Variants in HES6 observed in about 807,000 individuals in gnomAD.
HES6 encodes the protein hes family bHLH transcription factor 6, also known as transcription cofactor HES-6.
A neutral mutation model predicts 16.4 loss-of-function variants in HES6; 24 were observed. The observed-to-expected ratio is 1.46, with a 90% CI of 1.06 to 2.06. HES6 has a LOEUF of 2.06. HES6 is among the 30% of genes most tolerant of loss of function. The pLI is 0.00. For synonymous variants in HES6, 159 were observed against 144.3 expected (o/e 1.10, Z -0.73); for missense variants, 355 against 317.6 (o/e 1.12, Z -0.90).
At chr2:238,239,594 C>T (rs1372121884) in intron 2 of HES6, 26 bp from the exon 3 acceptor site, 41 of 1,191,498 alleles carry the variant, frequency 3.4e-5, no homozygotes, top group Non-Finnish European at 4.0e-5. Context: ...GGGCGGTGAG[C>T]CGGCAGCGCG....
At position 238,239,805 on chromosome 2, in the gene HES6, C is replaced by A; in HGVS notation, c.81+20G>T. 7.1e-7 allele frequency: 1 copy of A among 1,405,728 alleles called. No individual in the cohort carries two copies. The allele number at this position is 1,405,728 out of a possible 1,614,324, so 87.1% of individuals were successfully genotyped here. A position where few individuals can be genotyped will look rare whatever the true frequency, so the allele number is the denominator to read the frequency against. On this transcript the variant is annotated intron_variant, in intron 1 of 3. Coordinates refer to ENST00000272937, the MANE Select transcript of HES6 (RefSeq NM_018645.6). ...GCACGGCCTCCCGCCCGCTTGCTCG[C>A]CCATGGCCCCGGCCCGCACCTTGCG...
chr2:238,239,355 G>T, intron 3 of HES6, 104 bp from the exon 4 acceptor site: 1 of 1,350,010 alleles, frequency 7.4e-7, no homozygotes, highest in Non-Finnish European at 9.7e-7. Flanking sequence ...CCCAGGAGAC[G>T]CGGGGGCGCA....
intron 3 of HES6, 88 bp downstream of exon 3, chr2:238,239,399 G>A: frequency 1.6e-6 from 2 of 1,286,700 alleles, no homozygotes; most frequent in East Asian, 6.0e-5. Context: ...CCGCCGACAG[G>A]ACAGGGGCGC....
Position 238,239,119 on chromosome 2 carries a change from T to C in HES6, c.383A>G (p.His128Arg). 1.2e-6 allele frequency: 2 copies of C among 1,612,626 alleles called. No individual in the cohort carries two copies. Among genetic ancestry groups the C allele is most frequent in the South Asian group, 1.1e-5 (1 of 91,090 alleles). The change falls in exon 4 of 4, where the codon CAT becomes CGT. Residue 128 changes from histidine (H) to arginine (R), a missense_variant. His to Arg is a conservative substitution (Grantham distance 29). Coordinates refer to ENST00000272937, the MANE Select transcript of HES6 (RefSeq NM_018645.6). ...ACGCAGCGGCATGGACTCGAGCAGA[T>C]GGTTCAGGAGCTCGGCAGCGACGGT... ...DATVAAELLN[H>R]LLESMPLREG...
Position 238,238,711 on chromosome 2 carries a change from G to T in HES6, c.*116C>A. 4 of 1,015,642 alleles carry T rather than the reference G, an allele frequency of 3.9e-6. No individual in the cohort carries two copies. The highest frequency in any genetic ancestry group is 4.3e-6 in the Non-Finnish European group (3 of 697,608). The allele number at this position is 1,015,642 out of a possible 1,614,324, so 62.9% of individuals were successfully genotyped here. A position where few individuals can be genotyped will look rare whatever the true frequency, so the allele number is the denominator to read the frequency against. On this transcript the variant is annotated 3_prime_UTR_variant, in exon 4 of 4. Coordinates refer to ENST00000272937, the MANE Select transcript of HES6 (RefSeq NM_018645.6). ...CCTGCAAGCCATCCATCAGAGGAGG[G>T]AGGGAAGACCTGGGAGACTTCCAGG...
chr2:238,239,268 G>T lies in HES6; in HGVS notation c.251-17C>A. On this transcript the variant is annotated splice_polypyrimidine_tract_variant and intron_variant, in intron 3 of 3. Transcript: ENST00000272937. ...GCTCGCGCTCTGGGCCCGAGGGTGG[G>T]AGGGAGAGAGCCGCGTCCCGCGCGG... 1 of 1,595,420 alleles carries T rather than the reference G, an allele frequency of 6.3e-7. No individual in the cohort carries two copies. The highest frequency in any genetic ancestry group is 8.5e-7 in the Non-Finnish European group (1 of 1,176,934).
In HES6 at chr2:238,239,974, C is replaced by A; in HGVS notation, c.-69G>T. ...ACGGGGAGCGGCGGGGACCGGAGTG[C>A]CGGCGCCCTCCGCTGCCCCGCGGCC... On this transcript the variant is annotated 5_prime_UTR_variant, in exon 1 of 4. Coordinates refer to ENST00000272937, the MANE Select transcript of HES6 (RefSeq NM_018645.6). The A allele has an allele frequency of 1.0e-6, 1 of 1,002,848 alleles. No individual in the cohort carries two copies. The highest frequency in any genetic ancestry group is 4.9e-5 in the South Asian group (1 of 20,450). 62.1% of individuals were successfully genotyped at this position (1,002,848 alleles called of 1,614,324 possible).
chr2:238,238,676 C>G lies in HES6; in HGVS notation c.*151G>C. 1.3e-6 allele frequency: 1 copy of G among 769,878 alleles called. No homozygotes were observed. The highest frequency in any genetic ancestry group is 2.1e-6 in the Non-Finnish European group (1 of 484,598). 47.7% of individuals were successfully genotyped at this position (769,878 alleles called of 1,614,324 possible). A position where few individuals can be genotyped will look rare whatever the true frequency, so the allele number is the denominator to read the frequency against. On this transcript the variant is annotated 3_prime_UTR_variant, in exon 4 of 4. Transcript: ENST00000272937. ...GCTGGGGCCTGACTGGGCTGGTTAC[C>G]AGGGGCTGCCCTGCAAGCCATCCAT...
chr2:238,239,272 G>C, intron 3 of HES6, 21 bp from the exon 4 acceptor site: 3 of 1,594,506 alleles, frequency 1.9e-6, no homozygotes, highest in East Asian at 2.2e-5. Flanking sequence ...GGGTGGGAGG[G>C]AGAGAGCCGC....
Position 238,238,887 on chromosome 2 carries a change from G to C in HES6, c.615C>G (p.Pro205=). 4.4e-6 allele frequency: 7 copies of C among 1,581,074 alleles called. No homozygotes were observed. Among genetic ancestry groups the C allele is most frequent in the Non-Finnish European group, 6.0e-6 (7 of 1,166,592 alleles). The part of the protein sequence containing the change: ...QAPAEGPDLV[P]AALGSLTTAQ... The stretch of plus-strand genomic sequence containing the variant: ...CTGTGGTCAGGCTGCCCAGGGCTGC[G>C]GGCACCAAGTCGGGCCCCTCAGCAG... Residue 205 remains proline, a synonymous_variant, in exon 4 of 4, where the codon CCC becomes CCG. Transcript: ENST00000272937.
rs1258144690 is a variant in HES6 at position 238,239,544 on chromosome 2, C to T, written c.193G>A (p.Glu65Lys). The change falls in exon 3 of 4, where the codon GAA (glutamate) becomes AAA (lysine). Residue 65 changes from glutamate (E) to lysine (K), a missense_variant. By Grantham distance (56) the Glu-to-Lys change is moderately conservative (BLOSUM62 1). Transcript: ENST00000272937. ...CGCCGCACCGTCAGCTCCAGCACTTCGGCGTTCTCCAGCTTGGCCTGCACC... is the reference window on the plus strand; with the variant it reads ...CGCCGCACCGTCAGCTCCAGCACTTTGGCGTTCTCCAGCTTGGCCTGCACC... ...AEVQAKLENA[E>K]VLELTVRRVQ... The T allele has an allele frequency of 1.5e-6, 2 of 1,314,710 alleles. No homozygotes were observed. Among genetic ancestry groups the T allele is most frequent in the Admixed American group, 3.1e-5 (1 of 32,100 alleles). 81.4% of individuals were successfully genotyped at this position (1,314,710 alleles called of 1,614,324 possible).
intron 3 of HES6, 54 bp from the exon 4 acceptor site, chr2:238,239,305 T>C (rs1574831238): frequency 1.3e-6 from 2 of 1,552,510 alleles, no homozygotes; most frequent in Non-Finnish European, 8.7e-7. Flanking sequence ...GAGCGGCGAC[T>C]GCGTGGCCCA....
At position 238,239,686 on chromosome 2, in the gene HES6, A is replaced by C. The variant is rs1428430542; in HGVS notation, c.143T>G (p.Leu48Arg). The change falls in exon 2 of 4, where the codon CTG becomes CGG. Residue 48 changes from leucine (L) to arginine (R), a missense_variant. Physicochemically the swap from Leu to Arg is moderately radical, Grantham distance 102. Transcript: ENST00000272937. ...CTCGGCGCCCGCCAGCAGCAGCCGC[A>C]GCTCCTGCAGGCTCTCGTTGATCCG... ...RARINESLQE[L>R]RLLLAGAEVQ... 5.3e-6 allele frequency: 6 copies of C among 1,125,984 alleles called. No homozygotes were observed. The highest frequency in any genetic ancestry group is 6.5e-6 in the Non-Finnish European group (6 of 916,610). 69.7% of individuals were successfully genotyped at this position (1,125,984 alleles called of 1,614,324 possible).
rs754788696 is a variant in HES6, at chr2:238,239,690, C to T, written c.139G>A (p.Glu47Lys). 3.3e-5 allele frequency: 42 copies of T among 1,280,544 alleles called. No individual in the cohort carries two copies. The highest frequency in any genetic ancestry group is 3.5e-5 in the Non-Finnish European group (35 of 1,007,326). The allele number at this position is 1,280,544 out of a possible 1,614,324, so 79.3% of individuals were successfully genotyped here. The change falls in exon 2 of 4, where the codon GAG (glutamate) becomes AAG (lysine). Residue 47 changes from glutamate (E) to lysine (K), a missense_variant. Physicochemically the swap from Glu to Lys is moderately conservative, Grantham distance 56. Coordinates refer to ENST00000272937, the MANE Select transcript of HES6 (RefSeq NM_018645.6). ...GCGCCCGCCAGCAGCAGCCGCAGCT[C>T]CTGCAGGCTCTCGTTGATCCGCGCG... ...RRARINESLQELRLLLAGAEV... is the reference protein window; with the variant it reads ...RRARINESLQKLRLLLAGAEV...
chr2:238,239,611 G>GGGGGGGGGGGCC, intron 2 of HES6, 43 bp from the exon 3 acceptor site: 1 of 1,135,688 alleles, frequency 8.8e-7, no homozygotes, highest in Non-Finnish European at 1.1e-6. Context: ...CGCGCTCCCG[G>GGGGGGGGGGGCC]ACCCGCCCGC....
rs929329756 is a variant in HES6, at chr2:238,240,001, C to A, written c.-96G>T. The A allele has an allele frequency of 1.4e-6, 1 of 723,172 alleles. No homozygotes were observed. The highest frequency in any genetic ancestry group is 1.9e-5 in the African/African-American group (1 of 53,764). 44.8% of individuals were successfully genotyped at this position (723,172 alleles called of 1,614,324 possible). Reference sequence around the variant, plus strand: ...GGCGCCCTCCGCTGCCCCGCGGCCGCCCAGCAGCAGCCCAGCCGTCCGCGC... The same window carrying A: ...GGCGCCCTCCGCTGCCCCGCGGCCGACCAGCAGCAGCCCAGCCGTCCGCGC... On this transcript the variant is annotated 5_prime_UTR_variant, in exon 1 of 4. Transcript: ENST00000272937.
Position 238,238,737 on chromosome 2 carries a change from G to GC in HES6, c.*89dup. 2 of 1,304,096 alleles carry GC rather than the reference G, an allele frequency of 1.5e-6. No individual in the cohort carries two copies. The highest frequency in any genetic ancestry group is 1.1e-6 in the Non-Finnish European group (1 of 950,558). 80.8% of individuals were successfully genotyped at this position (1,304,096 alleles called of 1,614,324 possible). ...AGGGAAGACCTGGGAGACTTCCAGG[G>GC]CCCTACCCCACCACATCTGAACCCC... On this transcript the variant is annotated 3_prime_UTR_variant, in exon 4 of 4. Coordinates refer to ENST00000272937, the MANE Select transcript of HES6 (RefSeq NM_018645.6).
chr2:238,238,987 G>A lies in HES6; in HGVS notation c.515C>T (p.Pro172Leu). ...GTCGTCCCCAGGACCCGGGGGGCTG[G>A]GTATTGGGGATCCCGGAGCGCCCCC... ...PAGGAPGSPI[P>L]SPPGPGDDLC... is the part of the protein sequence containing the mutation. The change falls in exon 4 of 4, where the codon CCC (proline) becomes CTC (leucine). Residue 172 changes from proline to leucine, a missense_variant. Physicochemically the swap from Pro to Leu is moderately conservative, Grantham distance 98. Transcript: ENST00000272937. 6.2e-7 allele frequency: 1 copy of A among 1,605,452 alleles called. No homozygotes were observed. The highest frequency in any genetic ancestry group is 8.5e-7 in the Non-Finnish European group (1 of 1,177,616).
At position 238,239,527 on chromosome 2, in the gene HES6, C is replaced by A; in HGVS notation, c.210G>T (p.Thr70=). ...GCAGCACACCCTGGACCCGCCGCAC[C>A]GTCAGCTCCAGCACTTCGGCGTTCT... is the stretch of plus-strand genomic sequence containing the variant. ...KLENAEVLEL[T]VRRVQGVLRG... Residue 70 remains threonine (T), a synonymous_variant, in exon 3 of 4, where the codon ACG becomes ACT. Transcript: ENST00000272937. 1 of 1,330,404 alleles carries A rather than the reference C, an allele frequency of 7.5e-7. No individual in the cohort carries two copies. Among genetic ancestry groups the A allele is most frequent in the Non-Finnish European group, 9.6e-7 (1 of 1,037,836 alleles). The allele number at this position is 1,330,404 out of a possible 1,614,324, so 82.4% of individuals were successfully genotyped here.
Sources: gnomAD v4.1 joint callset for allele counts on GRCh38, gnomAD v4.1.1 for gene constraint, MANE v1.5 for transcripts, NCBI Gene and HGNC (gene_info 2026-07-23, HGNC 2026-07-21) for gene names.